Variants in ZFP64 observed in about 807,000 individuals in gnomAD.
The protein encoded by ZFP64 is zinc finger protein 64.
A neutral mutation model predicts 51.6 loss-of-function variants in ZFP64; 14 were observed. The ratio of observed to expected loss-of-function variants is 0.27; its 90% confidence interval spans 0.18 to 0.42. The LOEUF is 0.42. Ranked by LOEUF, ZFP64 falls within the 10% of genes least tolerant of loss-of-function variation. The pLI is 1.00. For missense variants in ZFP64, 754 were observed against 906.8 expected, an observed-to-expected ratio of 0.83 and a Z score of 2.16; for synonymous variants, 375 against 361.4, an observed-to-expected ratio of 1.04 and a Z score of -0.43.
intron 7 of ZFP64, among the ~76,000 whole-genome samples, chr20:52,094,555 G>A (rs1477528702): frequency 6.6e-6 from 1 of 152,154 alleles, no homozygotes; most frequent in African/African-American, 2.4e-5. Context: ...GAGGCCAGGA[G>A]TTTGAGACTA....
At chr20:52,172,338 T>C (rs1359090905) in intron 2 of ZFP64, among the ~76,000 whole-genome samples, 1 of 151,960 alleles carries the variant, frequency 6.6e-6, no homozygotes, top group African/African-American at 2.4e-5. Flanking sequence ...GTCGGTAAAA[T>C]GGGGATATTG....
chr20:52,138,227 G>T (rs1980079658), intron 5 of ZFP64, among the ~76,000 whole-genome samples: 1 of 151,642 alleles, frequency 6.6e-6, no homozygotes, highest in African/African-American at 2.4e-5. Flanking sequence ...CAAAAAATTG[G>T]AATGTAACTG....
In ZFP64 at chr20:52,160,280, G is replaced by T; in HGVS notation, c.606C>A (p.Pro202=). The T allele has an allele frequency of 6.2e-7, 1 of 1,614,224 alleles. No individual in the cohort carries two copies. Among genetic ancestry groups the T allele is most frequent in the Non-Finnish European group, 8.5e-7 (1 of 1,180,048 alleles). ...THMRCHTGVK[P]YKCKTCDYAA... The stretch of plus-strand genomic sequence containing the variant: ...CGTAGTCACACGTCTTACACTTGTA[G>T]GGCTTCACGCCCGTGTGGCACCGCA... The change falls in exon 5 of 6, where the codon CCC becomes CCA. Residue 202 remains proline (P), a synonymous_variant. Coordinates refer to ENST00000216923, the MANE Select transcript of ZFP64 (RefSeq NM_018197.3). This position sits in a 1 kb window ranked among gnomAD's most constrained non-coding sequence, Gnocchi z 4.2.
downstream of ZFP64, among the ~76,000 whole-genome samples, chr20:52,148,165 C>T (rs1331507368): frequency 2.6e-5 from 4 of 152,028 alleles, no homozygotes; most frequent in African/African-American, 4.8e-5. Flanking sequence ...AAAATAATAG[C>T]TGGGGGAAGC....
At chr20:52,090,352 G>A (rs886691147) in intron 7 of ZFP64, among the ~76,000 whole-genome samples, 1 of 152,138 alleles carries the variant, frequency 6.6e-6, no homozygotes, top group Non-Finnish European at 1.5e-5. Flanking sequence ...TCAGTGAGAG[G>A]AGAAGATAGT....
Position 52,160,059 on chromosome 20 carries a change from G to A in ZFP64, c.763+64C>T. ...CTTACATTGTGGCTGAATGCTTTAAGGTGCTTATGATTTATGCCATAGAAA... is the reference window on the plus strand; with the variant it reads ...CTTACATTGTGGCTGAATGCTTTAAAGTGCTTATGATTTATGCCATAGAAA... On this transcript the variant is annotated intron_variant, in intron 5 of 5. Transcript: ENST00000216923. The surrounding 1 kb of genome is among the most constrained non-coding windows in gnomAD (Gnocchi z 4.2). 1 of 1,608,606 alleles carries A rather than the reference G, an allele frequency of 6.2e-7. No individual in the cohort carries two copies. Among genetic ancestry groups the A allele is most frequent in the Non-Finnish European group, 8.5e-7 (1 of 1,177,594 alleles).
chr20:52,141,508 G>A (rs1980252919), intron 5 of ZFP64, among the ~76,000 whole-genome samples: 1 of 152,152 alleles, frequency 6.6e-6, no homozygotes, highest in Admixed American at 6.6e-5. Flanking sequence ...ATGAACTTGA[G>A]GGGGTTCAAG....
chr20:52,186,603 GT>G (rs930863647), intron 2 of ZFP64, among the ~76,000 whole-genome samples: 22 of 147,342 alleles, frequency 1.5e-4, no homozygotes, highest in African/African-American at 5.5e-4. Context: ...TTTTTTGTCT[GT>G]TTTTTTTGTA....
At chr20:52,154,133 T>C (rs979449251) in intron 5 of ZFP64, among the ~76,000 whole-genome samples, 1 of 152,336 alleles carries the variant, frequency 6.6e-6, no homozygotes, top group African/African-American at 2.4e-5. Context: ...CCTCAATGAA[T>C]GCCAAGTCCA....
intron 5 of ZFP64, among the ~76,000 whole-genome samples, chr20:52,112,752 C>A (rs1336138631): frequency 1.3e-5 from 2 of 151,778 alleles, no homozygotes; most frequent in African/African-American, 4.8e-5. Context: ...GTGGCTGGGA[C>A]TACAGGCACA....
intron 5 of ZFP64, among the ~76,000 whole-genome samples, chr20:52,113,295 C>G (rs554386568): frequency 2.0e-3 from 298 of 151,590 alleles, no homozygotes; most frequent in African/African-American, 7.2e-3. Flanking sequence ...GAATGCGCCA[C>G]TGTACTCCAG....
intron 7 of ZFP64, among the ~76,000 whole-genome samples, chr20:52,091,939 A>G (rs2078932221): frequency 6.6e-6 from 1 of 151,898 alleles, no homozygotes; most frequent in South Asian, 2.1e-4. Context: ...GCGGTGAGCC[A>G]AGATTGCACC....
intron 2 of ZFP64, chr20:52,175,870 G>GGCC: frequency 4.6e-5 from 16 of 346,428 alleles, no homozygotes; most frequent in East Asian, 2.8e-4. Flanking sequence ...TGCCGCCCCC[G>GGCC]CCCCCAAAAT....
chr20:52,153,559 GCCCC>G lies in ZFP64; in HGVS notation c.764-135_764-132del. ...GACCTCCTAACTGCAGCTTCTAGCA[GCCCC>G]TGGCAGTGGGGGAAGAGGGGCAGGG... On this transcript the variant is annotated intron_variant, in intron 5 of 5. Coordinates refer to ENST00000216923, the MANE Select transcript of ZFP64 (RefSeq NM_018197.3). The surrounding 1 kb of genome is among the most constrained non-coding windows in gnomAD (Gnocchi z 5.1). The G allele has an allele frequency of 7.4e-7, 1 of 1,351,882 alleles. No homozygotes were observed. Among genetic ancestry groups the G allele is most frequent in the Non-Finnish European group, 9.7e-7 (1 of 1,027,242 alleles). 83.7% of individuals were successfully genotyped at this position (1,351,882 alleles called of 1,614,324 possible).
chr20:52,140,843 G>A (rs993433336), intron 5 of ZFP64, among the ~76,000 whole-genome samples: 1 of 152,194 alleles, frequency 6.6e-6, no homozygotes, highest in Non-Finnish European at 1.5e-5. Context: ...CTAGAGGGGA[G>A]AAGTCAATGT....
chr20:52,090,731 G>T (rs1037882292), intron 7 of ZFP64, among the ~76,000 whole-genome samples: 1 of 151,848 alleles, frequency 6.6e-6, no homozygotes, highest in Non-Finnish European at 1.5e-5. Context: ...CCCAGGAGGA[G>T]GAGGTTGCAG....
At chr20:52,169,884 T>C (rs1035929352) in intron 2 of ZFP64, among the ~76,000 whole-genome samples, 1 of 151,726 alleles carries the variant, frequency 6.6e-6, no homozygotes, top group Non-Finnish European at 1.5e-5. Flanking sequence ...AGAAACCCCA[T>C]ATCGACTAAA....
downstream of ZFP64, among the ~76,000 whole-genome samples, chr20:52,150,892 C>G (rs1980759319): frequency 6.6e-6 from 1 of 152,148 alleles, no homozygotes; most frequent in South Asian, 2.1e-4. Context: ...TCTGAATTTT[C>G]CTCTTCTCAA....
rs768132984 is a variant in ZFP64 at position 52,104,863 on chromosome 20, C to T, written c.764-6276G>A. On this transcript the variant is annotated intron_variant, in intron 5 of 8. Coordinates refer to the ZFP64 transcript ENST00000361387. ...TCTGAGGGGTCCTCTGAGCATCCTT[C>T]CAGCGTGTTTGGGAGGCAAACTCGT... is the stretch of plus-strand genomic sequence containing the variant. 7 of 664,962 alleles carry T rather than the reference C, an allele frequency of 1.1e-5. No individual in the cohort carries two copies. In the Admixed American group the frequency reaches 1.4e-4, roughly 14 times the overall value. The allele number at this position is 664,962 out of a possible 1,614,324, so 41.2% of individuals were successfully genotyped here.
Sources: gnomAD v4.1 joint callset for allele counts (sites outside exome capture counted in the v4.1 genomes callset) on GRCh38, gnomAD v4.1.1 for gene constraint, Gnocchi (gnomAD v3.1) non-coding constraint, MANE v1.5 for transcripts, NCBI Gene and HGNC (gene_info 2026-07-23, HGNC 2026-07-21) for gene names.